Variants in KIAA1217 observed in about 807,000 individuals in gnomAD.
KIAA1217 encodes sickle tail protein homolog.
Under a neutral mutation model 163.9 loss-of-function variants are expected in KIAA1217, and 88 were observed. The ratio of observed to expected loss-of-function variants is 0.54; its 90% CI spans 0.45 to 0.64. The LOEUF (loss-of-function observed/expected upper bound fraction) is 0.64, where lower values mean the gene tolerates loss of function less well. KIAA1217 is among the 30% of genes least tolerant of loss of function. KIAA1217 has a pLI of 0.00. For synonymous variants in KIAA1217, 903 were observed against 923.1 expected (o/e 0.98, Z 0.39); for missense variants, 2,372 against 2,475.0 (o/e 0.96, Z 0.88).
rs536684061 is a variant in KIAA1217, at chr10:23,960,795, A to C, written c.-320-46430A>C. Among the ~76,000 whole-genome samples the C allele has an allele frequency of 3.9e-5, 6 of 152,372 alleles. No individual in the cohort carries two copies. The South Asian group carries it at 1.0e-3, about 26-fold the overall frequency. On this transcript the variant is annotated intron_variant, in intron 1 of 18. Coordinates refer to the KIAA1217 transcript ENST00000376462. The stretch of plus-strand genomic sequence containing the variant: ...TGCTTAATAGTTCATCTCATATTTC[A>C]TGTAATCATTCTTACATTGTTTATT...
At chr10:23,829,511 A>T (rs1467542698) in intron 1 of KIAA1217, among the ~76,000 whole-genome samples, 1 of 152,216 alleles carries the variant, frequency 6.6e-6, no homozygotes, top group Admixed American at 6.6e-5. Context: ...TAAGATTCAG[A>T]TATGATATAT....
At chr10:24,530,722 AC>A (rs1014242588) in intron 14 of KIAA1217, among the ~76,000 whole-genome samples, 8 of 151,622 alleles carry the variant, frequency 5.3e-5, no homozygotes, top group Admixed American at 2.6e-4. Flanking sequence ...GCATAGTGAG[AC>A]CCCCCTCTTT....
chr10:24,377,776 G>A lies in KIAA1217; in HGVS notation c.355-3093G>A, dbSNP rs376470448. Among the ~76,000 whole-genome samples, 132 of 152,272 alleles carry A rather than the reference G, an allele frequency of 8.7e-4. No individual in the cohort carries two copies. The Middle Eastern group carries it at 0.01, about 12-fold the overall frequency. ...ATGGAAATAAGCTCCAGAGAGTTTAGCTTTCTCCATGGTTCTTACTAATAT... is the reference window on the plus strand; with the variant it reads ...ATGGAAATAAGCTCCAGAGAGTTTAACTTTCTCCATGGTTCTTACTAATAT... On this transcript the variant is annotated intron_variant, in intron 2 of 20. Transcript: ENST00000376454.
intron 2 of KIAA1217, among the ~76,000 whole-genome samples, chr10:24,334,878 T>C (rs2133657760): frequency 6.6e-6 from 1 of 152,302 alleles, no homozygotes. Flanking sequence ...TTTCATATTG[T>C]TGAAGTTGTA....
chr10:24,506,218 T>G (rs1438196744), intron 9 of KIAA1217, among the ~76,000 whole-genome samples: 1 of 152,210 alleles, frequency 6.6e-6, no homozygotes, highest in African/African-American at 2.4e-5. Context: ...TCAGGAGTCG[T>G]TCTGAGGTCT....
At chr10:24,122,854 C>T (rs180821625) in intron 2 of KIAA1217, among the ~76,000 whole-genome samples, 87 of 151,370 alleles carry the variant, frequency 5.7e-4, no homozygotes, top group African/African-American at 2.1e-3. Flanking sequence ...ATGGTCATGC[C>T]GATTTCATTG....
chr10:23,729,893 T>C (rs1226723475), intron 1 of KIAA1217, among the ~76,000 whole-genome samples: 2 of 146,000 alleles, frequency 1.4e-5, no homozygotes, highest in Non-Finnish European at 3.0e-5. Context: ...TTTTCTTCTG[T>C]TATTTTCTAT....
At chr10:24,144,620 A>G (rs1007315550) in intron 2 of KIAA1217, among the ~76,000 whole-genome samples, 8 of 152,240 alleles carry the variant, frequency 5.3e-5, no homozygotes, top group African/African-American at 1.9e-4. Flanking sequence ...CAGGATGCGC[A>G]ATCAGTACCT....
At chr10:23,720,436 G>T (rs899981498) in intron 1 of KIAA1217, among the ~76,000 whole-genome samples, 7 of 152,168 alleles carry the variant, frequency 4.6e-5, no homozygotes, top group Admixed American at 2.6e-4. Context: ...ATTATAGGTA[G>T]TATTGAGGAT....
intron 1 of KIAA1217, among the ~76,000 whole-genome samples, chr10:23,907,625 T>C (rs1024973692): frequency 3.3e-5 from 5 of 152,064 alleles, no homozygotes; most frequent in African/African-American, 9.7e-5. Flanking sequence ...AGCGATGTGC[T>C]CTTTCTCAGC....
At chr10:24,438,070 A>T (rs534669946) in intron 4 of KIAA1217, among the ~76,000 whole-genome samples, 2 of 150,934 alleles carry the variant, frequency 1.3e-5, no homozygotes, top group African/African-American at 4.8e-5. Context: ...TTTTTTTTTT[A>T]AAGCCTTAGT....
intron 2 of KIAA1217, among the ~76,000 whole-genome samples, chr10:24,302,411 T>A (rs978978703): frequency 2.2e-4 from 33 of 152,214 alleles, no homozygotes; most frequent in Middle Eastern, 3.2e-3. Flanking sequence ...GTTAAGTTAT[T>A]GCTGTCAGGT....
chr10:23,716,845 C>G (rs768614596), intron 1 of KIAA1217, among the ~76,000 whole-genome samples: 1 of 151,968 alleles, frequency 6.6e-6, no homozygotes. Context: ...TAAAGTAGAC[C>G]CCAATTTACT....
At position 24,231,418 on chromosome 10, in the gene KIAA1217, G is replaced by A. The variant is rs747896313; in HGVS notation, c.354+11509G>A. ...ACCATTTTCAGAGCAAGCACTGCAC[G>A]TGAAAGGAGTATGGTGTCATAACAG... is the stretch of plus-strand genomic sequence containing the variant. On this transcript the variant is annotated intron_variant, in intron 2 of 20. Transcript: ENST00000376454. 2.0e-5 allele frequency among the ~76,000 whole-genome samples: 3 copies of A among 152,348 alleles called. No homozygotes were observed. The East Asian group carries it at 5.8e-4, about 29-fold the overall frequency.
rs144264741 is a variant in KIAA1217, at chr10:24,399,783, A to C, written c.553+18716A>C. 3.6e-3 allele frequency among the ~76,000 whole-genome samples: 551 copies of C among 152,366 alleles called. 3 individuals are homozygous for C. Among genetic ancestry groups the C allele is most frequent in the African/African-American group, 0.013 (522 of 41,586 alleles). On this transcript the variant is annotated intron_variant, in intron 3 of 20. Transcript: ENST00000376454. ...AGAAGATTTCTAGCAATATAGCAGC[A>C]TGAGGGATCTTAGATGCTAACTGTA...
intron 2 of KIAA1217, among the ~76,000 whole-genome samples, chr10:24,111,730 T>G (rs1163222498): frequency 6.6e-6 from 1 of 152,148 alleles, no homozygotes; most frequent in East Asian, 1.9e-4. Context: ...AGCAAAAATT[T>G]CAGATGAAGG....
intron 1 of KIAA1217, among the ~76,000 whole-genome samples, chr10:23,969,623 G>C (rs1845219102): frequency 6.6e-6 from 1 of 151,898 alleles, no homozygotes; most frequent in South Asian, 2.1e-4. Flanking sequence ...ATTTTTAATT[G>C]GTTATTTATA....
chr10:24,539,023 C>T (rs183533774), intron 17 of KIAA1217, among the ~76,000 whole-genome samples: 57 of 151,778 alleles, frequency 3.8e-4, no homozygotes, highest in African/African-American at 1.4e-3. Flanking sequence ...TGAGCCACCG[C>T]ACCCAGCCGG....
At chr10:24,116,351 C>A (rs1025190664) in intron 2 of KIAA1217, among the ~76,000 whole-genome samples, 1 of 152,090 alleles carries the variant, frequency 6.6e-6, no homozygotes, top group Non-Finnish European at 1.5e-5. Context: ...TGAAAACTTT[C>A]TCTGTAAAGG....
Sources: gnomAD v4.1 joint callset for allele counts (sites outside exome capture counted in the v4.1 genomes callset) on GRCh38, gnomAD v4.1.1 for gene constraint, MANE v1.5 for transcripts, NCBI Gene and HGNC (gene_info 2026-07-23, HGNC 2026-07-21) for gene names.